The following SPTA1 variants were observed in gnomAD, a reference collection of about 807,000 sequenced individuals.
SPTA1 encodes the protein spectrin alpha, erythrocytic 1, also known as spectrin alpha chain, erythrocytic 1.
SPTA1 carries 177 observed loss-of-function variants against 324.7 expected under a neutral mutation model. The ratio of observed to expected loss-of-function variants is 0.55; its 90% confidence interval spans 0.48 to 0.62. The LOEUF is 0.62. SPTA1 is among the 20% of genes least tolerant of loss of function. The pLI is 0.00. For synonymous variants in SPTA1, 1,195 were observed against 1,041.3 expected (o/e 1.15, Z -2.84); for missense variants, 3,162 against 2,883.6 (o/e 1.10, Z -2.21).
intron 25 of SPTA1, 95 bp downstream of exon 25, chr1:158,649,761 A>T (rs1652281130): frequency 5.6e-6 from 6 of 1,063,188 alleles, no homozygotes; most frequent in Non-Finnish European, 8.6e-6. Flanking sequence ...ATCTCACGAA[A>T]AAAGATTATA....
chr1:158,662,763 G>C lies in SPTA1; in HGVS notation c.2403C>G (p.Asp801Glu). Reference sequence around the variant, plus strand: ...GGATCCAGGCCTCCTCATCCTCTGTGTCTCTACAAATCAGCTGCAGATGGA... The same window carrying C: ...GGATCCAGGCCTCCTCATCCTCTGTCTCTCTACAAATCAGCTGCAGATGGA... ...DLLHLQLICR[D>E]TEDEEAWIQE... is the part of the protein sequence containing the mutation. The change falls in exon 17 of 52, where the codon GAC (aspartate) becomes GAG (glutamate). Residue 801 changes from aspartate to glutamate, a missense_variant. Transcript: ENST00000643759. 2 of 1,614,050 alleles carry C rather than the reference G, an allele frequency of 1.2e-6. No individual in the cohort carries two copies. The highest frequency in any genetic ancestry group is 1.7e-6 in the Non-Finnish European group (2 of 1,179,988).
intron 16 of SPTA1, among the ~76,000 whole-genome samples, chr1:158,664,867 G>A (rs771517592): frequency 8.5e-5 from 13 of 152,202 alleles, no homozygotes; most frequent in South Asian, 2.1e-4. Flanking sequence ...CCAGGCGAGG[G>A]AGAGAGGATA....
intron 24 of SPTA1, among the ~76,000 whole-genome samples, chr1:158,650,866 TG>T (rs1652377670): frequency 6.6e-6 from 1 of 152,356 alleles, no homozygotes; most frequent in African/African-American, 2.4e-5. Flanking sequence ...AGAGGAGGTT[TG>T]GATATTGTAA....
At chr1:158,685,051 T>A in intron 2 of SPTA1, 57 bp downstream of exon 2, 9 of 1,608,922 alleles carry the variant, frequency 5.6e-6, no homozygotes, top group Non-Finnish European at 7.7e-6. Context: ...GAAAAACCTA[T>A]TTCCTTCTCT....
intron 43 of SPTA1, among the ~76,000 whole-genome samples, chr1:158,621,916 TAC>T (rs1372136760): frequency 5.3e-5 from 8 of 152,142 alleles, no homozygotes; most frequent in African/African-American, 1.9e-4. Context: ...CAGGCTGGAG[TAC>T]AGTGGCCGCG....
intron 10 of SPTA1, 122 bp from the exon 11 acceptor site, chr1:158,672,318 T>A: frequency 9.6e-7 from 1 of 1,040,246 alleles, no homozygotes; most frequent in Non-Finnish European, 1.4e-6. Context: ...AATGGGCTTT[T>A]AAGATTCCAA....
In SPTA1 at chr1:158,613,709, T is replaced by A. The variant is rs1302146023; in HGVS notation, c.6989+12A>T. On this transcript the variant is annotated intron_variant, in intron 50 of 51. Coordinates refer to ENST00000643759, the MANE Select transcript of SPTA1 (RefSeq NM_003126.4). ...ATCCCTGCTGCGGTCTGACCCTTAG[T>A]CTTGTTCCTACCTCCCTGGATCCAC... is the stretch of plus-strand genomic sequence containing the variant. 1 of 1,613,608 alleles carries A rather than the reference T, an allele frequency of 6.2e-7. No homozygotes were observed. The highest frequency in any genetic ancestry group is 8.5e-7 in the Non-Finnish European group (1 of 1,179,742).
At chr1:158,678,646 A>G (rs921587177) in intron 5 of SPTA1, 112 bp from the exon 6 acceptor site, 21 of 1,318,526 alleles carry the variant, frequency 1.6e-5, no homozygotes, top group Non-Finnish European at 2.2e-5. Context: ...GTGAAAACTG[A>G]CCATTGTAGC....
intron 51 of SPTA1, chr1:158,612,459 CA>C (rs1649317219): frequency 3.1e-6 from 1 of 322,770 alleles, no homozygotes; most frequent in Admixed American, 4.5e-5. Context: ...CTGTCTTCCC[CA>C]CTACACCTGA....
intron 39 of SPTA1, 96 bp downstream of exon 39, chr1:158,634,447 G>GA (rs1199045041): frequency 6.5e-6 from 10 of 1,534,040 alleles, no homozygotes; most frequent in African/African-American, 2.7e-5. Flanking sequence ...TCTTTCACCA[G>GA]AAAAATGTCC....
chr1:158,628,101 T>A (rs1650406170), intron 39 of SPTA1, among the ~76,000 whole-genome samples: 1 of 152,074 alleles, frequency 6.6e-6, no homozygotes, highest in Non-Finnish European at 1.5e-5. Flanking sequence ...ATCAAGAACA[T>A]CCTAAACTAA....
At chr1:158,656,270 T>C (rs1476492356) in intron 20 of SPTA1, among the ~76,000 whole-genome samples, 1 of 151,826 alleles carries the variant, frequency 6.6e-6, no homozygotes, top group African/African-American at 2.4e-5. Flanking sequence ...AGGAGAGACA[T>C]AAATGAAGAA....
At chr1:158,627,979 C>T (rs969000170) in intron 39 of SPTA1, among the ~76,000 whole-genome samples, 1 of 152,068 alleles carries the variant, frequency 6.6e-6, no homozygotes, top group Non-Finnish European at 1.5e-5. Context: ...TGTGACTAAT[C>T]TTATTTTGAT....
At chr1:158,677,525 C>T (rs754262573) in intron 7 of SPTA1, among the ~76,000 whole-genome samples, 165 bp downstream of exon 7, 16 of 152,284 alleles carry the variant, frequency 1.1e-4, no homozygotes, top group East Asian at 7.7e-4. Context: ...TATCCACATA[C>T]GAGTTATGAA....
Position 158,657,465 on chromosome 1 carries a change from C to T in SPTA1, c.2805+12G>A. 4.8e-6 allele frequency: 7 copies of T among 1,469,364 alleles called. 1 individual carries two copies. Among genetic ancestry groups the T allele is most frequent in the Non-Finnish European group, 6.7e-6 (7 of 1,051,088 alleles). The allele number at this position is 1,469,364 out of a possible 1,614,324, so 91.0% of individuals were successfully genotyped here. A position where few individuals can be genotyped will look rare whatever the true frequency, so the allele number is the denominator to read the frequency against. On this transcript the variant is annotated intron_variant, in intron 19 of 51. Transcript: ENST00000643759. The stretch of plus-strand genomic sequence containing the variant: ...TTGAGGATTCACAATGTTAAACCCA[C>T]CCCCACCTTACCCCAGCTGCTTCTT...
intron 43 of SPTA1, among the ~76,000 whole-genome samples, chr1:158,621,903 G>A (rs891614891): frequency 3.9e-5 from 6 of 152,008 alleles, no homozygotes; most frequent in Non-Finnish European, 7.4e-5. Flanking sequence ...TTGCTCTGTC[G>A]CTCAGGCTGG....
At chr1:158,657,815 G>A (rs1027040167) in intron 18 of SPTA1, 121 bp from the exon 19 acceptor site, 33 of 1,041,254 alleles carry the variant, frequency 3.2e-5, no homozygotes, top group South Asian at 8.7e-5. Flanking sequence ...TTTAGTCGAC[G>A]TTATATTTTT....
Position 158,644,310 on chromosome 1 carries a change from G to A in SPTA1, c.4281C>T (p.Asp1427=), listed in dbSNP as rs1651833721. 2 of 1,613,832 alleles carry A rather than the reference G, an allele frequency of 1.2e-6. No homozygotes were observed. Among genetic ancestry groups the A allele is most frequent in the East Asian group, 2.2e-5 (1 of 44,880 alleles). Residue 1427 remains aspartate, a synonymous_variant, in exon 30 of 52, where the codon GAC becomes GAT. Transcript: ENST00000643759. ...SLRSDDKSSL[D]SLEALMKKRD... ...GTTTCTTCATCAAAGCCTCCAGACT[G>A]TCTAAGGAACTTTTGTCATCTGACC... is the stretch of plus-strand genomic sequence containing the variant.
chr1:158,678,663 C>A, intron 5 of SPTA1, 129 bp from the exon 6 acceptor site: 1 of 1,183,796 alleles, frequency 8.4e-7, no homozygotes, highest in Non-Finnish European at 1.2e-6. Flanking sequence ...TAGCCAGACA[C>A]TGAACTTCAT....
Sources: allele counts gnomAD v4.1 joint callset (sites outside exome capture counted in the v4.1 genomes callset), GRCh38; gene constraint gnomAD v4.1.1; transcripts MANE v1.5; gene names NCBI Gene and HGNC (gene_info 2026-07-23, HGNC 2026-07-21).